Variants in COG5 observed in about 807,000 individuals in gnomAD.
COG5 encodes component of oligomeric golgi complex 5, also known as conserved oligomeric Golgi complex subunit 5.
COG5 carries 86 observed loss-of-function variants against 110.4 expected under a neutral mutation model. The ratio of observed to expected loss-of-function variants is 0.78; its 90% CI spans 0.65 to 0.93. COG5 has a LOEUF of 0.93. COG5 is among the 40% of genes least tolerant of loss of function. COG5 has a pLI of 0.00. For missense variants in COG5, 1,077 were observed against 987.0 expected, an observed-to-expected ratio of 1.09 and a Z score of -1.22; for synonymous variants, 360 against 334.6, an observed-to-expected ratio of 1.08 and a Z score of -0.83.
intron 6 of COG5, among the ~76,000 whole-genome samples, chr7:107,424,176 G>A (rs1283142825): frequency 2.6e-5 from 4 of 151,984 alleles, no homozygotes; most frequent in Non-Finnish European, 4.4e-5. Flanking sequence ...GGGAGGCTGA[G>A]GCACAAGAAT....
intron 6 of COG5, among the ~76,000 whole-genome samples, chr7:107,445,221 T>G (rs1049116299): frequency 6.6e-6 from 1 of 152,002 alleles, no homozygotes; most frequent in Non-Finnish European, 1.5e-5. Flanking sequence ...GTTGTAGAAA[T>G]GTAGCTAATA....
At chr7:107,275,139 C>T (rs909958352) in intron 14 of COG5, among the ~76,000 whole-genome samples, 4 of 151,912 alleles carry the variant, frequency 2.6e-5, no homozygotes, top group Non-Finnish European at 5.9e-5. Flanking sequence ...AATAGTCCAA[C>T]GTAAGAAGAG....
intron 10 of COG5, among the ~76,000 whole-genome samples, chr7:107,357,127 A>T (rs2129044147): frequency 6.6e-6 from 1 of 152,322 alleles, no homozygotes; most frequent in South Asian, 2.1e-4. Context: ...AATGATAATT[A>T]TCTTAACTAG....
intron 6 of COG5, chr7:107,475,249 A>G: frequency 6.2e-7 from 1 of 1,605,646 alleles, no homozygotes. Flanking sequence ...TCCCCTGCCT[A>G]ATAATGCTGT....
chr7:107,207,774 T>C, intron 21 of COG5: 1 of 985,436 alleles, frequency 1.0e-6, no homozygotes, highest in African/African-American at 1.7e-5. Context: ...TACTCTGATT[T>C]TCAAATGAAC....
At position 107,201,684 on chromosome 7, in the gene COG5, GTAA is replaced by G. The variant is rs1798322291; in HGVS notation, c.*1829_*1831del. On this transcript the variant is annotated 3_prime_UTR_variant, in exon 22 of 22. Transcript: ENST00000297135. Reference sequence around the variant, plus strand: ...TCCAAACTTCATATATGTCTATCAGGTAATAATAGGCTTGAAAATTGATATCCT... The same window carrying G: ...TCCAAACTTCATATATGTCTATCAGGTAATAGGCTTGAAAATTGATATCCT... 2.7e-6 allele frequency: 1 copy of G among 370,232 alleles called. No individual in the cohort carries two copies. The highest frequency in any genetic ancestry group is 4.9e-6 in the Non-Finnish European group (1 of 205,874). The allele number at this position is 370,232 out of a possible 1,614,324, so 22.9% of individuals were successfully genotyped here.
chr7:107,266,487 T>C (rs1056556300), intron 14 of COG5, among the ~76,000 whole-genome samples: 3 of 152,230 alleles, frequency 2.0e-5, no homozygotes, highest in African/African-American at 4.8e-5. Flanking sequence ...GCAGGGTATA[T>C]ATAGCTGCAT....
chr7:107,220,960 C>T lies in COG5; in HGVS notation c.2168+9655G>A, dbSNP rs993406283. 4.6e-5 allele frequency among the ~76,000 whole-genome samples: 7 copies of T among 151,874 alleles called. No homozygotes were observed. The East Asian group carries it at 7.8e-4, about 17-fold the overall frequency. ...AGCTTCCCAAGTAGCTGATGACAGG[C>T]GCCTGCCATCACACCCAGCTAATTT... On this transcript the variant is annotated intron_variant, in intron 19 of 21. Coordinates refer to ENST00000297135, the MANE Select transcript of COG5 (RefSeq NM_006348.5).
chr7:107,429,084 C>G (rs919282620), intron 6 of COG5, among the ~76,000 whole-genome samples: 1 of 152,070 alleles, frequency 6.6e-6, no homozygotes, highest in African/African-American at 2.4e-5. Flanking sequence ...TGTGACAAAC[C>G]TATTGTACAA....
At chr7:107,280,064 ATACTC>A (rs1042636381) in intron 14 of COG5, among the ~76,000 whole-genome samples, 12 of 152,102 alleles carry the variant, frequency 7.9e-5, no homozygotes, top group African/African-American at 9.7e-5. Flanking sequence ...TAATTACACT[ATACTC>A]TACTAGATAT....
At chr7:107,255,979 A>G (rs536984375) in intron 16 of COG5, among the ~76,000 whole-genome samples, 3 of 152,176 alleles carry the variant, frequency 2.0e-5, no homozygotes, top group Non-Finnish European at 4.4e-5. Flanking sequence ...TAAGATATAT[A>G]AAGTGGGAAC....
chr7:107,439,908 C>A (rs755959881), intron 6 of COG5, among the ~76,000 whole-genome samples: 3 of 152,100 alleles, frequency 2.0e-5, no homozygotes, highest in Non-Finnish European at 2.9e-5. Flanking sequence ...GAGAGGCAGG[C>A]CTATGATTCT....
chr7:107,301,516 C>G (rs1562958934), intron 11 of COG5, among the ~76,000 whole-genome samples: 1 of 152,062 alleles, frequency 6.6e-6, no homozygotes, highest in African/African-American at 2.4e-5. Flanking sequence ...TAGGGAAATG[C>G]AAATTAAAAC....
intron 19 of COG5, among the ~76,000 whole-genome samples, chr7:107,222,191 T>C (rs1347389045): frequency 2.0e-5 from 3 of 151,164 alleles, no homozygotes; most frequent in Non-Finnish European, 2.9e-5. Context: ...TTCTGGGTAA[T>C]CACCTGTCCC....
At chr7:107,219,789 A>G (rs535794799) in intron 19 of COG5, among the ~76,000 whole-genome samples, 69 of 152,308 alleles carry the variant, frequency 4.5e-4, no homozygotes, top group Non-Finnish European at 7.8e-4. Flanking sequence ...GTTGGTAGGA[A>G]TGCATAGTAC....
At chr7:107,367,836 A>T (rs1199246178) in intron 8 of COG5, among the ~76,000 whole-genome samples, 2 of 152,128 alleles carry the variant, frequency 1.3e-5, no homozygotes, top group Non-Finnish European at 1.5e-5. Flanking sequence ...TACAATGTAC[A>T]TGACTCGGGT....
intron 5 of COG5, among the ~76,000 whole-genome samples, chr7:107,528,887 T>C (rs986360116): frequency 3.3e-5 from 5 of 152,012 alleles, no homozygotes; most frequent in African/African-American, 9.7e-5. Flanking sequence ...TCACAAGCAA[T>C]ACACCGTATG....
chr7:107,512,978 T>C (rs1426391572), intron 6 of COG5, among the ~76,000 whole-genome samples: 2 of 152,070 alleles, frequency 1.3e-5, no homozygotes, highest in African/African-American at 2.4e-5. Flanking sequence ...ATTCAGGATA[T>C]AGGCATGGGC....
chr7:107,252,339 C>T (rs1279987201), intron 16 of COG5, among the ~76,000 whole-genome samples: 1 of 152,110 alleles, frequency 6.6e-6, no homozygotes, highest in African/African-American at 2.4e-5. Flanking sequence ...AGTATCAAAG[C>T]TCATTCAAGA....
Sources: allele counts gnomAD v4.1 joint callset (sites outside exome capture counted in the v4.1 genomes callset), GRCh38; gene constraint gnomAD v4.1.1; transcripts MANE v1.5; gene names NCBI Gene and HGNC (gene_info 2026-07-23, HGNC 2026-07-21).